SLC22A23: variants seen among roughly 807,000 people sequenced by gnomAD.
SLC22A23 encodes the protein ion transporter protein.
A neutral mutation model predicts 61.0 loss-of-function variants in SLC22A23; 26 were observed. That is an observed-to-expected ratio of 0.43 (90% CI 0.31 to 0.59). The LOEUF is 0.59. SLC22A23 is among the 20% of genes least tolerant of loss of function. SLC22A23 has a pLI of 0.11. For synonymous variants in SLC22A23, 430 were observed against 413.9 expected (o/e 1.04, Z -0.47); for missense variants, 796 against 934.7 (o/e 0.85, Z 1.94).
At chr6:3,350,178 T>C (rs1167711621) in intron 3 of SLC22A23, among the ~76,000 whole-genome samples, 1 of 152,228 alleles carries the variant, frequency 6.6e-6, no homozygotes, top group African/African-American at 2.4e-5. Context: ...TCTATTTTTT[T>C]CTTTAAAAAT....
In SLC22A23 at chr6:3,366,056, C is replaced by T. The variant is rs1044300332; in HGVS notation, c.914-42054G>A. On this transcript the variant is annotated intron_variant, in intron 3 of 9. Coordinates refer to ENST00000406686, the MANE Select transcript of SLC22A23 (RefSeq NM_015482.2). Reference sequence around the variant, plus strand: ...TCAGAAAGAGAAGGGTATGGCTGGGCGCGGTGGCTCACGCCTGTAATCCCA... The same window carrying T: ...TCAGAAAGAGAAGGGTATGGCTGGGTGCGGTGGCTCACGCCTGTAATCCCA... Among the ~76,000 whole-genome samples the T allele has an allele frequency of 3.9e-5, 6 of 152,086 alleles. 1 individual carries two copies. Among genetic ancestry groups the T allele is most frequent in the African/African-American group, 1.2e-4 (5 of 41,496 alleles).
intron 9 of SLC22A23, 101 bp from the exon 10 acceptor site, chr6:3,273,513 G>A: frequency 7.8e-7 from 1 of 1,290,060 alleles, no homozygotes; most frequent in Non-Finnish European, 1.1e-6. Context: ...CAGGGGCCCT[G>A]CTGCCCTGGG....
In SLC22A23 at chr6:3,346,226, C is replaced by T. The variant is rs540162153; in HGVS notation, c.914-22224G>A. Among the ~76,000 whole-genome samples the T allele has an allele frequency of 5.3e-5, 8 of 152,272 alleles. No individual in the cohort carries two copies. The South Asian group carries it at 1.5e-3, about 28-fold the overall frequency. On this transcript the variant is annotated intron_variant, in intron 3 of 9. Transcript: ENST00000406686. ...AGGCCAGCGCCACCTCTGCTCGGGTCCCAGCTCAACGTCTCTGCTGACCTG... is the reference window on the plus strand; with the variant it reads ...AGGCCAGCGCCACCTCTGCTCGGGTTCCAGCTCAACGTCTCTGCTGACCTG...
rs542658280 is a variant in SLC22A23 at position 3,300,386 on chromosome 6, T to C, written c.1083-2168A>G. On this transcript the variant is annotated intron_variant, in intron 4 of 9. Transcript: ENST00000406686. ...TCCCTCACCCTGGCCCAAATTCATA[T>C]GTTGGAAACTAAACCCCAATGTGAT... 1.7e-4 allele frequency among the ~76,000 whole-genome samples: 26 copies of C among 152,278 alleles called. 1 individual carries two copies. The highest frequency in any genetic ancestry group is 5.5e-4 in the African/African-American group (23 of 41,548).
Position 3,454,242 on chromosome 6 carries a change from G to A in SLC22A23, c.654+1664C>T, listed in dbSNP as rs1772286225. Among the ~76,000 whole-genome samples the A allele has an allele frequency of 6.6e-6, 1 of 152,102 alleles. No homozygotes were observed. The highest frequency in any genetic ancestry group is 1.5e-5 in the Non-Finnish European group (1 of 68,034). On this transcript the variant is annotated intron_variant, in intron 1 of 9. Coordinates refer to ENST00000406686, the MANE Select transcript of SLC22A23 (RefSeq NM_015482.2). This position sits in a 1 kb window ranked among gnomAD's most constrained non-coding sequence, Gnocchi z 4.3. The stretch of plus-strand genomic sequence containing the variant: ...TCTCGAATGCTAATTTAGAAAAACT[G>A]CCCAGCTCTCCAATATGCCTCCATA...
intron 1 of SLC22A23, among the ~76,000 whole-genome samples, chr6:3,423,288 CTT>C (rs1770270436): frequency 7.5e-6 from 1 of 132,886 alleles, no homozygotes; most frequent in Non-Finnish European, 1.7e-5. Flanking sequence ...CAATGAGTCA[CTT>C]TTCTTTGTTT....
intron 1 of SLC22A23, among the ~76,000 whole-genome samples, chr6:3,448,234 A>G (rs1772006952): frequency 6.6e-6 from 1 of 151,758 alleles, no homozygotes; most frequent in Admixed American, 6.6e-5. Context: ...CCAGGGTCAC[A>G]CTCATTAGTG....
chr6:3,298,871 C>T (rs1189393152), intron 4 of SLC22A23, among the ~76,000 whole-genome samples: 3 of 150,508 alleles, frequency 2.0e-5, no homozygotes, highest in African/African-American at 7.4e-5. Flanking sequence ...ACTCGGGAGG[C>T]TGAGGCAGGA....
intron 3 of SLC22A23, among the ~76,000 whole-genome samples, chr6:3,344,267 A>G (rs1307970502): frequency 2.0e-5 from 3 of 152,238 alleles, no homozygotes; most frequent in Non-Finnish European, 2.9e-5. Context: ...AATGACATGT[A>G]AGTAAGAAGG....
At chr6:3,359,953 A>G (rs1012800207) in intron 3 of SLC22A23, among the ~76,000 whole-genome samples, 42 of 152,320 alleles carry the variant, frequency 2.8e-4, no homozygotes, top group African/African-American at 1.0e-3. Flanking sequence ...TTTTGTCCTT[A>G]GAGGTCCTTG....
At position 3,297,380 on chromosome 6, in the gene SLC22A23, T is replaced by C. The variant is rs1011171215; in HGVS notation, c.1210+711A>G. ...TCAGAGCTTGGGCCGAGACCACCAGTGATCTTCAAACGGAAATCTGTATAC... is the reference window on the plus strand; with the variant it reads ...TCAGAGCTTGGGCCGAGACCACCAGCGATCTTCAAACGGAAATCTGTATAC... On this transcript the variant is annotated intron_variant, in intron 5 of 9. Transcript: ENST00000406686. The surrounding 1 kb of genome is among the most constrained non-coding windows in gnomAD (Gnocchi z 4.3). Among the ~76,000 whole-genome samples, 1 of 152,188 alleles carries C rather than the reference T, an allele frequency of 6.6e-6. No homozygotes were observed. Among genetic ancestry groups the C allele is most frequent in the Non-Finnish European group, 1.5e-5 (1 of 68,040 alleles).
Position 3,297,462 on chromosome 6 carries a change from T to C in SLC22A23, c.1210+629A>G, listed in dbSNP as rs1329595361. Reference sequence around the variant, plus strand: ...TAGAAATGCAAGTTCTCAGGGCTTATCCCAAATCTAACAGGTCAGGATCTC... The same window carrying C: ...TAGAAATGCAAGTTCTCAGGGCTTACCCCAAATCTAACAGGTCAGGATCTC... On this transcript the variant is annotated intron_variant, in intron 5 of 9. Coordinates refer to ENST00000406686, the MANE Select transcript of SLC22A23 (RefSeq NM_015482.2). This position sits in a 1 kb window ranked among gnomAD's most constrained non-coding sequence, Gnocchi z 4.3. Among the ~76,000 whole-genome samples, 1 of 152,142 alleles carries C rather than the reference T, an allele frequency of 6.6e-6. No homozygotes were observed. Among genetic ancestry groups the C allele is most frequent in the East Asian group, 1.9e-4 (1 of 5,196 alleles).
intron 1 of SLC22A23, among the ~76,000 whole-genome samples, chr6:3,417,378 A>T (rs1029077398): frequency 5.3e-5 from 8 of 152,228 alleles, no homozygotes; most frequent in African/African-American, 1.9e-4. Context: ...ATGTAAGCAC[A>T]GACTGCACAA....
chr6:3,429,701 A>G (rs1170425285), intron 1 of SLC22A23, among the ~76,000 whole-genome samples: 1 of 152,272 alleles, frequency 6.6e-6, no homozygotes, highest in Non-Finnish European at 1.5e-5. Flanking sequence ...GTGCATGCAC[A>G]TGATGGAGGA....
chr6:3,396,186 G>A (rs1286896912), intron 3 of SLC22A23, among the ~76,000 whole-genome samples: 1 of 152,180 alleles, frequency 6.6e-6, no homozygotes, highest in East Asian at 1.9e-4. Flanking sequence ...ATGGTCCCTG[G>A]CTAGGGCTCC....
At chr6:3,357,774 C>T (rs964917722) in intron 3 of SLC22A23, among the ~76,000 whole-genome samples, 4 of 152,164 alleles carry the variant, frequency 2.6e-5, no homozygotes, top group South Asian at 4.2e-4. Flanking sequence ...GGGGAGATGC[C>T]GAGATGAAGC....
intron 1 of SLC22A23, among the ~76,000 whole-genome samples, chr6:3,433,402 C>G (rs947107449): frequency 6.6e-6 from 1 of 152,118 alleles, no homozygotes; most frequent in South Asian, 2.1e-4. Context: ...GATCCCTGCC[C>G]CTAACAAATG....
intron 3 of SLC22A23, among the ~76,000 whole-genome samples, chr6:3,399,582 C>T (rs1015888563): frequency 5.9e-5 from 9 of 152,128 alleles, no homozygotes; most frequent in Non-Finnish European, 7.4e-5. Context: ...TAATGAGCAA[C>T]GTCCTGAGTT....
At chr6:3,310,410 A>AAGCACCCTGTCTCCCAGGG (rs1762305782) in intron 4 of SLC22A23, among the ~76,000 whole-genome samples, 2 of 92,014 alleles carry the variant, frequency 2.2e-5, no homozygotes, top group Admixed American at 1.2e-4. Flanking sequence ...TCTCCCACTC[A>AAGCACCCTGTCTCCCAGGG]AGCACCCTGT....
Sources: allele counts gnomAD v4.1 joint callset (sites outside exome capture counted in the v4.1 genomes callset), GRCh38; gene constraint gnomAD v4.1.1; non-coding constraint Gnocchi (gnomAD v3.1); transcripts MANE v1.5; gene names NCBI Gene and HGNC (gene_info 2026-07-23, HGNC 2026-07-21).